TGM7: variants seen among roughly 807,000 people sequenced by gnomAD.
TGM7 encodes protein-glutamine gamma-glutamyltransferase Z.
In TGM7, 74 loss-of-function variants were observed where a neutral mutation model predicts 79.5. That is an observed-to-expected ratio of 0.93 (90% CI 0.77 to 1.13). TGM7 has a LOEUF of 1.13. Ranked by LOEUF, TGM7 falls within the 50% of genes most tolerant of loss-of-function variation. The pLI, the probability that TGM7 is intolerant of heterozygous loss-of-function variation, is 0.00. For synonymous variants in TGM7, 354 were observed against 362.5 expected (o/e 0.98, Z 0.27); for missense variants, 912 against 905.9 (o/e 1.01, Z -0.09).
chr15:43,293,364 G>C (rs2042973422), intron 2 of TGM7, 85 bp downstream of exon 2: 2 of 1,479,848 alleles, frequency 1.4e-6, no homozygotes, highest in Admixed American at 4.3e-5. Flanking sequence ...AGCTCAGGTG[G>C]GAAAGGCAGG....
chr15:43,286,127 T>C (rs1357761409), intron 6 of TGM7, among the ~76,000 whole-genome samples: 1 of 152,216 alleles, frequency 6.6e-6, no homozygotes, highest in Non-Finnish European at 1.5e-5. Context: ...AGGCTTCCTG[T>C]CTGCAGTCAC....
At chr15:43,297,635 A>AAGAAAGAG (rs5812242) in intron 1 of TGM7, among the ~76,000 whole-genome samples, 8,588 of 77,556 alleles carry the variant, frequency 0.11, 386 homozygotes, top group Middle Eastern at 0.16. Context: ...GAAAGAAAGA[A>AAGAAAGAG]AAAGAAAGAA....
rs772534916 is a variant in TGM7 at position 43,279,747 on chromosome 15, G to A, written c.1556C>T (p.Thr519Ile). ...CAGTCCGATGGGCCCCCGAGGGTGG[G>A]TGCTGTCTGGCACCCTCTGGATACG... ...LLRIQRVPDS[T>I]HPRGPIGLVV... Residue 519 changes from threonine to isoleucine, a missense_variant, in exon 10 of 13, where the codon ACC becomes ATC. Coordinates refer to ENST00000452443, the MANE Select transcript of TGM7 (RefSeq NM_052955.3). 4 of 1,614,100 alleles carry A rather than the reference G, an allele frequency of 2.5e-6. 1 individual carries two copies. In the South Asian group the frequency reaches 4.4e-5, roughly 18 times the overall value.
chr15:43,283,296 G>T (rs1341095246), intron 7 of TGM7, among the ~76,000 whole-genome samples: 3 of 152,192 alleles, frequency 2.0e-5, no homozygotes, highest in South Asian at 4.1e-4. Flanking sequence ...TTTTAATGTT[G>T]TCAGTTGACC....
At chr15:43,285,062 C>A in intron 6 of TGM7, 110 bp from the exon 7 acceptor site, 1 of 1,230,518 alleles carries the variant, frequency 8.1e-7, no homozygotes, top group South Asian at 1.4e-5. Flanking sequence ...AAGACGCTTA[C>A]GGAACCACAC....
intron 1 of TGM7, among the ~76,000 whole-genome samples, chr15:43,300,239 C>CTCCAGGCTTTATGTACA (rs1362002410): frequency 2.6e-5 from 4 of 152,238 alleles, no homozygotes; most frequent in African/African-American, 9.6e-5. Context: ...TTTTATGGAA[C>CTCCAGGCTTTATGTACA]TCCAGGCTTT....
chr15:43,276,284 TAA>T lies in TGM7; in HGVS notation c.*169_*170del. 1 of 797,806 alleles carries T rather than the reference TAA, an allele frequency of 1.3e-6. No individual in the cohort carries two copies. The allele number at this position is 797,806 out of a possible 1,614,324, so 49.4% of individuals were successfully genotyped here. A position where few individuals can be genotyped will look rare whatever the true frequency, so the allele number is the denominator to read the frequency against. On this transcript the variant is annotated 3_prime_UTR_variant, in exon 13 of 13. Transcript: ENST00000452443. ...GTGGCTTGAGAATGCTGGTGATAAA[TAA>T]AGACATCTTTATTGTCTCTTCCCAA... is the stretch of plus-strand genomic sequence containing the variant.
At chr15:43,284,751 C>T in intron 7 of TGM7, 63 bp downstream of exon 7, 2 of 1,576,780 alleles carry the variant, frequency 1.3e-6, no homozygotes, top group Non-Finnish European at 1.7e-6. Context: ...CAGAGAGAAC[C>T]AGGTCAGTTT....
chr15:43,284,260 G>A (rs961903063), intron 7 of TGM7, among the ~76,000 whole-genome samples: 2 of 152,030 alleles, frequency 1.3e-5, no homozygotes, highest in African/African-American at 4.8e-5. Context: ...AGAGAAACAG[G>A]AAACCAGATT....
In TGM7 at chr15:43,291,959, A is replaced by T. The variant is rs2142415170; in HGVS notation, c.558+20T>A. 6.3e-7 allele frequency: 1 copy of T among 1,592,976 alleles called. No homozygotes were observed. Among genetic ancestry groups the T allele is most frequent in the Non-Finnish European group, 8.6e-7 (1 of 1,160,906 alleles). ...GCCTTAGGGAGCCCACCCCAGGCCC[A>T]CATTGGGTAATAGTGTTACCTGCCC... On this transcript the variant is annotated intron_variant, in intron 4 of 12. Coordinates refer to ENST00000452443, the MANE Select transcript of TGM7 (RefSeq NM_052955.3).
At chr15:43,294,941 C>T (rs150729994) in intron 1 of TGM7, among the ~76,000 whole-genome samples, 72 of 151,954 alleles carry the variant, frequency 4.7e-4, no homozygotes, top group Non-Finnish European at 9.0e-4. Flanking sequence ...CTCTGCAGCC[C>T]GGCTGGAGTG....
At position 43,299,107 on chromosome 15, in the gene TGM7, T is replaced by C. The variant is rs116466726; in HGVS notation, c.10+3134A>G. Among the ~76,000 whole-genome samples the C allele has an allele frequency of 7.1e-3, 1,086 of 152,358 alleles. 14 individuals are homozygous for C. Among genetic ancestry groups the C allele is most frequent in the African/African-American group, 0.025 (1,032 of 41,576 alleles). On this transcript the variant is annotated intron_variant, in intron 1 of 12. Transcript: ENST00000452443. ...AAATTATCTTTAGGTGGTGAAATTA[T>C]TGGAAATTTTCTTTCCTTTAGGTTT... is the stretch of plus-strand genomic sequence containing the variant.
intron 11 of TGM7, 150 bp downstream of exon 11, chr15:43,278,967 G>T (rs1365624872): frequency 2.2e-5 from 16 of 733,362 alleles, no homozygotes; most frequent in Non-Finnish European, 3.1e-5. Flanking sequence ...CCAACCCCAC[G>T]CTGGTACAGA....
At chr15:43,285,307 C>T (rs1336127233) in intron 6 of TGM7, among the ~76,000 whole-genome samples, 1 of 152,120 alleles carries the variant, frequency 6.6e-6, no homozygotes, top group Non-Finnish European at 1.5e-5. Context: ...GAGGCTGAGG[C>T]GGATCACGAG....
rs751308253 is a variant in TGM7, at chr15:43,279,802, C to T, written c.1501G>A (p.Glu501Lys). The T allele has an allele frequency of 1.1e-5, 17 of 1,614,048 alleles. No individual in the cohort carries two copies. Among genetic ancestry groups the T allele is most frequent in the South Asian group, 3.3e-5 (3 of 91,090 alleles). ...QLQLHLARIP[E>K]WGQDLQLLLR... ...AGCAGCTGCAGGTCCTGGCCCCACT[C>T]GGGTATCCTGGCCAGGTGAAGCTGC... is the stretch of plus-strand genomic sequence containing the variant. Residue 501 changes from glutamate (E) to lysine (K), a missense_variant, in exon 10 of 13, where the codon GAG becomes AAG. Physicochemically the swap from Glu to Lys is moderately conservative, Grantham distance 56. Coordinates refer to ENST00000452443, the MANE Select transcript of TGM7 (RefSeq NM_052955.3).
At position 43,276,532 on chromosome 15, in the gene TGM7, C is replaced by A. The variant is rs1006727519; in HGVS notation, c.2056G>T (p.Val686Phe). The A allele has an allele frequency of 6.2e-7, 1 of 1,613,994 alleles. No homozygotes were observed. The highest frequency in any genetic ancestry group is 8.5e-7 in the Non-Finnish European group (1 of 1,180,020). Reference sequence around the variant, plus strand: ...TTGACCTCGTTGCTGCTGATGAGAACCTGGAGCTGGCGGGGTCCAGCTTTG... The same window carrying A: ...TTGACCTCGTTGCTGCTGATGAGAAACTGGAGCTGGCGGGGTCCAGCTTTG... ...PTKAGPRQLQ[V>F]LISSNEVKEI... The change falls in exon 13 of 13, where the codon GTT becomes TTT. Residue 686 changes from valine to phenylalanine, a missense_variant. Physicochemically the swap from Val to Phe is conservative, Grantham distance 50. Transcript: ENST00000452443.
chr15:43,276,433 G>C lies in TGM7; in HGVS notation c.*22C>G. On this transcript the variant is annotated 3_prime_UTR_variant, in exon 13 of 13. Transcript: ENST00000452443. ...AGCCAGGTGGGGCAGGGGTGCCAGG[G>C]AGGGCAGCTGGAGGGCGGGTCTCAG... The C allele has an allele frequency of 6.2e-7, 1 of 1,603,742 alleles. No individual in the cohort carries two copies. The highest frequency in any genetic ancestry group is 8.5e-7 in the Non-Finnish European group (1 of 1,174,454).
At chr15:43,281,595 A>G (rs1056859090) in intron 9 of TGM7, among the ~76,000 whole-genome samples, 2 of 152,242 alleles carry the variant, frequency 1.3e-5, no homozygotes, top group African/African-American at 4.8e-5. Flanking sequence ...TTTGGGACAT[A>G]TATTACACAA....
Position 43,276,361 on chromosome 15 carries a change from G to T in TGM7, c.*94C>A. The T allele has an allele frequency of 1.4e-6, 2 of 1,418,472 alleles. No individual in the cohort carries two copies. The allele number at this position is 1,418,472 out of a possible 1,614,324, so 87.9% of individuals were successfully genotyped here. On this transcript the variant is annotated 3_prime_UTR_variant, in exon 13 of 13. Coordinates refer to ENST00000452443, the MANE Select transcript of TGM7 (RefSeq NM_052955.3). Reference sequence around the variant, plus strand: ...TTCATTCATTCCCAGGCAGGCTAGAGAGAGGACAGAGGTGGAGCCAAGACG... The same window carrying T: ...TTCATTCATTCCCAGGCAGGCTAGATAGAGGACAGAGGTGGAGCCAAGACG...
Sources: gnomAD v4.1 joint callset for allele counts (sites outside exome capture counted in the v4.1 genomes callset) on GRCh38, gnomAD v4.1.1 for gene constraint, MANE v1.5 for transcripts, NCBI Gene and HGNC (gene_info 2026-07-23, HGNC 2026-07-21) for gene names.